The following SLC17A1 variants were observed in gnomAD, a reference collection of about 807,000 sequenced individuals.
SLC17A1 encodes solute carrier family 17 member 1, also known as sodium-dependent phosphate transport protein 1.
A neutral mutation model predicts 53.5 loss-of-function variants in SLC17A1; 51 were observed. That is an observed-to-expected ratio of 0.95 (90% confidence interval 0.76 to 1.20). The LOEUF (loss-of-function observed/expected upper bound fraction) is 1.20, where lower values mean the gene tolerates loss of function less well. Ranked by LOEUF, SLC17A1 falls within the 50% of genes most tolerant of loss-of-function variation. SLC17A1 has a pLI of 0.00. For synonymous variants in SLC17A1, 179 were observed against 198.8 expected (o/e 0.90, Z 0.84); for missense variants, 538 against 568.2 (o/e 0.95, Z 0.54).
chr6:25,777,019 T>A, the SLC17A1 span: 1 of 1,533,146 alleles, frequency 6.5e-7, no homozygotes, highest in Non-Finnish European at 8.8e-7. Flanking sequence ...CAGCCCTAAA[T>A]CTACTCTGAT....
intron 11 of SLC17A1, 113 bp downstream of exon 11, chr6:25,800,776 CA>C: frequency 3.1e-6 from 2 of 654,770 alleles, no homozygotes; most frequent in Non-Finnish European, 2.7e-6. Flanking sequence ...TCATATGATG[CA>C]AAAACTCATA....
In SLC17A1 at chr6:25,830,641, T is replaced by C. The variant is rs1051148395; in HGVS notation, c.-50-34A>G. On this transcript the variant is annotated intron_variant, in intron 1 of 12. Coordinates refer to ENST00000244527, the MANE Select transcript of SLC17A1 (RefSeq NM_005074.5). ...GCAAAACACGTTGATGTCAGCATAA[T>C]GTAGAGAGGCAACTGACCAAACACT... 64 of 1,483,826 alleles carry C rather than the reference T, an allele frequency of 4.3e-5. 1 individual carries two copies. The Admixed American group carries it at 5.4e-4, about 12-fold the overall frequency. 91.9% of individuals were successfully genotyped at this position (1,483,826 alleles called of 1,614,324 possible). A position where few individuals can be genotyped will look rare whatever the true frequency, so the allele number is the denominator to read the frequency against.
At chr6:25,740,425 A>G in the SLC17A1 span, among the ~76,000 whole-genome samples, 53 of 152,164 alleles carry the variant, frequency 3.5e-4, no homozygotes, top group African/African-American at 1.2e-3. Context: ...GAAATTATTG[A>G]TTAATATAAG....
At chr6:25,798,101 C>CT (rs947713805) in intron 12 of SLC17A1, among the ~76,000 whole-genome samples, 2 of 152,170 alleles carry the variant, frequency 1.3e-5, no homozygotes, top group African/African-American at 4.8e-5. Context: ...TCATGCCTCT[C>CT]TTTTTGTGAT....
chr6:25,731,989 C>T, the SLC17A1 span: 1 of 1,584,630 alleles, frequency 6.3e-7, no homozygotes, highest in Non-Finnish European at 8.6e-7. Flanking sequence ...ATACTCATGG[C>T]CTTGGAAGAG....
At chr6:25,741,861 A>T in the SLC17A1 span, among the ~76,000 whole-genome samples, 9 of 152,080 alleles carry the variant, frequency 5.9e-5, no homozygotes, top group Admixed American at 5.9e-4. Flanking sequence ...GATCACACCA[A>T]GACAGAGTGA....
the SLC17A1 span, among the ~76,000 whole-genome samples, chr6:25,760,703 C>G: frequency 1.3e-5 from 2 of 152,164 alleles, no homozygotes; most frequent in African/African-American, 4.8e-5. Context: ...TTACATAGCT[C>G]ATTACCGTTG....
chr6:25,806,266 T>G (rs1763950261), intron 10 of SLC17A1, among the ~76,000 whole-genome samples: 1 of 151,876 alleles, frequency 6.6e-6, no homozygotes, highest in Admixed American at 6.6e-5. Flanking sequence ...CATAAAGAGT[T>G]AAAAATAAAA....
chr6:25,792,519 C>A (rs1316501039), intron 12 of SLC17A1, among the ~76,000 whole-genome samples: 9 of 152,156 alleles, frequency 5.9e-5, no homozygotes, highest in Admixed American at 3.3e-4. Flanking sequence ...CTGCAAAAGA[C>A]CCCCATCAGG....
chr6:25,807,887 T>C (rs1038650703), intron 10 of SLC17A1, among the ~76,000 whole-genome samples: 4 of 152,118 alleles, frequency 2.6e-5, no homozygotes, highest in African/African-American at 9.7e-5. Flanking sequence ...TTTAGGCTGG[T>C]TCCATATTTT....
chr6:25,730,801 G>T, the SLC17A1 span, among the ~76,000 whole-genome samples: 5 of 152,182 alleles, frequency 3.3e-5, no homozygotes, highest in Non-Finnish European at 5.9e-5. Context: ...AGGGAGGCAA[G>T]ATTAAGAGCA....
the SLC17A1 span, among the ~76,000 whole-genome samples, chr6:25,740,294 A>G: frequency 1.3e-5 from 2 of 152,238 alleles, no homozygotes; most frequent in East Asian, 1.9e-4. Flanking sequence ...TTAGAAAACT[A>G]AAATATGATC....
chr6:25,788,449 G>A (rs1031663687), intron 12 of SLC17A1, among the ~76,000 whole-genome samples: 4 of 152,116 alleles, frequency 2.6e-5, no homozygotes, highest in South Asian at 2.1e-4. Context: ...AGCAGGACAC[G>A]GTGTGGGGAG....
chr6:25,772,077 A>G, the SLC17A1 span, among the ~76,000 whole-genome samples: 8 of 152,226 alleles, frequency 5.3e-5, no homozygotes, highest in African/African-American at 1.7e-4. Flanking sequence ...GGGTTTCTGT[A>G]AAATCAGGTG....
chr6:25,793,983 C>T (rs939994281), intron 12 of SLC17A1, among the ~76,000 whole-genome samples: 2 of 152,190 alleles, frequency 1.3e-5, no homozygotes, highest in Non-Finnish European at 2.9e-5. Context: ...AGGTCACACA[C>T]GCACTTTGAG....
downstream of SLC17A1, chr6:25,780,276 G>A (rs537677836): frequency 2.6e-5 from 4 of 152,276 alleles, no homozygotes; most frequent in Non-Finnish European, 4.4e-5. Context: ...TCAGTGTCTC[G>A]GGAGGGCAGA....
At chr6:25,813,578 G>GT (rs982317294) in intron 6 of SLC17A1, among the ~76,000 whole-genome samples, 2 of 151,994 alleles carry the variant, frequency 1.3e-5, no homozygotes, top group Non-Finnish European at 2.9e-5. Context: ...GTTTTGTTTT[G>GT]TTTTTAATGT....
the SLC17A1 span, chr6:25,726,968 C>G: frequency 6.2e-7 from 1 of 1,613,974 alleles, no homozygotes; most frequent in Non-Finnish European, 8.5e-7. Context: ...AGAAAGCTGT[C>G]GTTAAGACCC....
chr6:25,738,524 C>A, the SLC17A1 span, among the ~76,000 whole-genome samples: 4 of 148,986 alleles, frequency 2.7e-5, no homozygotes, highest in African/African-American at 9.8e-5. Context: ...GACATGAAAT[C>A]AAAACAATCC....
Sources: gnomAD v4.1 joint callset for allele counts (sites outside exome capture counted in the v4.1 genomes callset) on GRCh38, gnomAD v4.1.1 for gene constraint, MANE v1.5 for transcripts, NCBI Gene and HGNC (gene_info 2026-07-23, HGNC 2026-07-21) for gene names.